The following PPM1B variants were observed in gnomAD, a reference collection of about 807,000 sequenced individuals.
The protein encoded by PPM1B is protein phosphatase 1B.
A neutral mutation model predicts 43.0 loss-of-function variants in PPM1B; 22 were observed. That is an observed-to-expected ratio of 0.51 (90% CI 0.37 to 0.73). The LOEUF (loss-of-function observed/expected upper bound fraction) is 0.73. Among genes scored for constraint, PPM1B ranks in the 30% least tolerant of loss-of-function variants. The pLI is 0.00. For synonymous variants in PPM1B, 217 were observed against 197.9 expected (o/e 1.10, Z -0.81); for missense variants, 632 against 584.2 (o/e 1.08, Z -0.84).
intron 3 of PPM1B, among the ~76,000 whole-genome samples, chr2:44,217,068 G>T (rs114010925): frequency 0.011 from 1,615 of 151,740 alleles, 6 homozygotes; most frequent in Middle Eastern, 0.02. Context: ...GGAAGTCAAC[G>T]TAAGGGTCTT....
chr2:44,216,476 C>G (rs1425092554), intron 3 of PPM1B, among the ~76,000 whole-genome samples: 1 of 152,096 alleles, frequency 6.6e-6, no homozygotes, highest in African/African-American at 2.4e-5. Context: ...AGCTTGCAGT[C>G]TATGACCCAA....
intron 3 of PPM1B, among the ~76,000 whole-genome samples, chr2:44,216,093 G>A (rs1051152379): frequency 2.0e-5 from 3 of 152,194 alleles, no homozygotes; most frequent in Non-Finnish European, 4.4e-5. Context: ...AAGATTTTGA[G>A]TACAAGAGTG....
chr2:44,183,505 G>A (rs1667979465), intron 1 of PPM1B, among the ~76,000 whole-genome samples: 2 of 152,216 alleles, frequency 1.3e-5, no homozygotes, highest in South Asian at 2.1e-4. Flanking sequence ...TACATAAGTT[G>A]TTAGGTAGGC....
At chr2:44,244,500 GCTT>G, downstream of PPM1B, 1 of 723,520 alleles carries the variant, frequency 1.4e-6, no homozygotes, top group Admixed American at 5.1e-5. Context: ...AACACCTGTG[GCTT>G]CTTGGCAGCA....
intron 2 of PPM1B, among the ~76,000 whole-genome samples, chr2:44,207,679 G>A (rs183592287): frequency 9.3e-5 from 14 of 151,332 alleles, no homozygotes; most frequent in African/African-American, 3.2e-4. Context: ...AGGCTTAAGC[G>A]ATCCTTCCAC....
intron 5 of PPM1B, among the ~76,000 whole-genome samples, chr2:44,239,897 T>TG (rs749560056): frequency 5.4e-5 from 1 of 18,602 alleles, no homozygotes; most frequent in Non-Finnish European, 1.4e-4. Flanking sequence ...TTTGTTTTTG[T>TG]TTTTTTTTTT....
chr2:44,219,386 TGAGA>T (rs1454139421), intron 5 of PPM1B, among the ~76,000 whole-genome samples: 11 of 151,940 alleles, frequency 7.2e-5, no homozygotes, highest in East Asian at 1.9e-4. Context: ...CTTGGCAGAT[TGAGA>T]GAGAGAGTAT....
exon 6 of PPM1B, chr2:44,244,381 T>A (rs1670813185): frequency 7.4e-7 from 1 of 1,348,034 alleles, no homozygotes; most frequent in Admixed American, 1.9e-5. Context: ...ATTATATAAT[T>A]ATAGTATTTG....
At chr2:44,170,548 A>G (rs969405827) in intron 1 of PPM1B, among the ~76,000 whole-genome samples, 2 of 152,240 alleles carry the variant, frequency 1.3e-5, no homozygotes, top group East Asian at 3.8e-4. Flanking sequence ...GAAGTGGTAA[A>G]TTGTTCAGAG....
intron 3 of PPM1B, among the ~76,000 whole-genome samples, chr2:44,213,169 A>G (rs1285180282): frequency 2.0e-5 from 3 of 147,992 alleles, no homozygotes; most frequent in African/African-American, 7.5e-5. Context: ...ATCTTAATAT[A>G]ACCTTTTGGT....
intron 5 of PPM1B, chr2:44,230,025 G>T: frequency 6.3e-7 from 1 of 1,591,638 alleles, no homozygotes; most frequent in South Asian, 1.1e-5. Context: ...CTGATGGCCT[G>T]CTTTTCTGTC....
chr2:44,234,848 A>G (rs1670568852), downstream of PPM1B, among the ~76,000 whole-genome samples: 1 of 152,226 alleles, frequency 6.6e-6, no homozygotes, highest in Admixed American at 6.5e-5. Flanking sequence ...TTTATGAAAA[A>G]TAATTGTCTT....
intron 1 of PPM1B, among the ~76,000 whole-genome samples, chr2:44,191,723 A>G (rs1475980436): frequency 6.6e-6 from 1 of 152,110 alleles, no homozygotes; most frequent in Non-Finnish European, 1.5e-5. Flanking sequence ...TATAACCAAC[A>G]ATTCTCCAGG....
chr2:44,237,163 C>T (rs918830485), downstream of PPM1B, among the ~76,000 whole-genome samples: 4 of 152,170 alleles, frequency 2.6e-5, no homozygotes, highest in East Asian at 1.9e-4. Flanking sequence ...TAACAATTTG[C>T]ACTGTCGTTT....
At chr2:44,172,211 T>G (rs1379977548) in intron 1 of PPM1B, among the ~76,000 whole-genome samples, 5 of 152,208 alleles carry the variant, frequency 3.3e-5, no homozygotes, top group Non-Finnish European at 5.9e-5. Context: ...TTTCTTTTTG[T>G]TTTTCCCTTG....
intron 5 of PPM1B, among the ~76,000 whole-genome samples, chr2:44,224,618 T>A (rs1442275878): frequency 6.6e-6 from 1 of 152,126 alleles, no homozygotes; most frequent in African/African-American, 2.4e-5. Context: ...CTAATTTCTA[T>A]GTCTTATTTG....
chr2:44,217,391 C>A (rs1669771898), intron 3 of PPM1B, among the ~76,000 whole-genome samples: 1 of 148,060 alleles, frequency 6.8e-6, no homozygotes, highest in African/African-American at 2.5e-5. Context: ...AAGAGTGAAA[C>A]TCCGTCTCAA....
intron 3 of PPM1B, among the ~76,000 whole-genome samples, chr2:44,215,013 TA>T (rs1669656958): frequency 2.0e-5 from 3 of 152,234 alleles, no homozygotes; most frequent in Admixed American, 6.5e-5. Context: ...CATGAGTTAA[TA>T]ATTTAATATT....
At chr2:44,218,602 A>G in intron 5 of PPM1B, 65 bp downstream of exon 5, 3 of 1,070,452 alleles carry the variant, frequency 2.8e-6, no homozygotes, top group Middle Eastern at 2.2e-4. Context: ...AAATATGAAT[A>G]CATTCACATT....
Sources: gnomAD v4.1 joint callset for allele counts (sites outside exome capture counted in the v4.1 genomes callset) on GRCh38, gnomAD v4.1.1 for gene constraint, MANE v1.5 for transcripts, NCBI Gene and HGNC (gene_info 2026-07-23, HGNC 2026-07-21) for gene names.